Variants in SLC17A5 observed in about 807,000 individuals in gnomAD.
SLC17A5 encodes solute carrier family 17 member 5, also known as sialin.
In SLC17A5, 47 loss-of-function variants were observed where a neutral mutation model predicts 59.4. That is an observed-to-expected ratio of 0.79 (90% confidence interval 0.63 to 1.01). SLC17A5 has a LOEUF of 1.01. SLC17A5 is among the 50% of genes least tolerant of loss of function. The probability of loss-of-function intolerance (pLI) is 0.00; values close to 1 mark genes in which losing one functional copy is unlikely to be tolerated. For missense variants in SLC17A5, 522 were observed against 595.5 expected (o/e 0.88, Z 1.28); for synonymous variants, 202 against 210.7 (o/e 0.96, Z 0.36).
At chr6:73,631,626 C>T (rs1429128064) in intron 6 of SLC17A5, among the ~76,000 whole-genome samples, 2 of 151,842 alleles carry the variant, frequency 1.3e-5, no homozygotes, top group African/African-American at 4.9e-5. Flanking sequence ...AAGTGTGTTC[C>T]TTTGGCCAAA....
intron 7 of SLC17A5, among the ~76,000 whole-genome samples, chr6:73,616,246 A>G (rs1284559049): frequency 1.3e-5 from 2 of 152,036 alleles, no homozygotes; most frequent in Non-Finnish European, 2.9e-5. Flanking sequence ...TTGCCAGAAG[A>G]CACTTCATGG....
At chr6:73,648,451 G>C (rs1351819255) in intron 1 of SLC17A5, among the ~76,000 whole-genome samples, 1 of 152,224 alleles carries the variant, frequency 6.6e-6, no homozygotes, top group Non-Finnish European at 1.5e-5. Flanking sequence ...GGCTAATTTA[G>C]AGTGGGACCT....
intron 6 of SLC17A5, among the ~76,000 whole-genome samples, chr6:73,626,163 T>C (rs145340672): frequency 1.9e-4 from 29 of 152,348 alleles, no homozygotes; most frequent in African/African-American, 7.0e-4. Context: ...TATTTAATTT[T>C]AGTCACACTG....
At chr6:73,608,975 G>T (rs562826097) in intron 9 of SLC17A5, among the ~76,000 whole-genome samples, 2 of 152,250 alleles carry the variant, frequency 1.3e-5, no homozygotes, top group South Asian at 4.1e-4. Context: ...AACTACAGTG[G>T]CGTCACTGCA....
chr6:73,614,143 G>A (rs1476727524), intron 8 of SLC17A5, among the ~76,000 whole-genome samples: 1 of 152,170 alleles, frequency 6.6e-6, no homozygotes, highest in Non-Finnish European at 1.5e-5. Flanking sequence ...GTGTGTGCCT[G>A]TAGTCCTAGC....
At chr6:73,629,576 C>G (rs569041256) in intron 6 of SLC17A5, among the ~76,000 whole-genome samples, 3 of 152,144 alleles carry the variant, frequency 2.0e-5, no homozygotes, top group East Asian at 1.9e-4. Flanking sequence ...AGTTTGAGAC[C>G]AGCCTGACCA....
rs570569542 is a variant in SLC17A5, at chr6:73,640,263, G to A, written c.525+1428C>T. On this transcript the variant is annotated intron_variant, in intron 3 of 10. Transcript: ENST00000355773. ...AGAAGAACAGGAACCTGGTAATAGA[G>A]GAGTAATTTTAATTTTGTGATCAGG... Among the ~76,000 whole-genome samples the A allele has an allele frequency of 1.4e-3, 217 of 152,272 alleles. 2 individuals carry two copies. Among genetic ancestry groups the A allele is most frequent in the African/African-American group, 5.0e-3 (207 of 41,554 alleles).
intron 6 of SLC17A5, among the ~76,000 whole-genome samples, chr6:73,631,154 G>C (rs1477470821): frequency 1.3e-5 from 2 of 151,342 alleles, no homozygotes; most frequent in East Asian, 3.9e-4. Context: ...CCGAAACCAG[G>C]CCACTCTATG....
intron 6 of SLC17A5, 144 bp downstream of exon 6, chr6:73,635,238 A>G: frequency 3.4e-6 from 2 of 583,110 alleles, no homozygotes; most frequent in Non-Finnish European, 6.1e-6. Context: ...CCAGCCAGAC[A>G]ATACTTTGGA....
intron 8 of SLC17A5, among the ~76,000 whole-genome samples, chr6:73,613,976 A>G (rs1767741604): frequency 6.6e-6 from 1 of 151,796 alleles, no homozygotes; most frequent in Non-Finnish European, 1.5e-5. Flanking sequence ...ATTAAACAAA[A>G]TGGCTGGGGC....
At chr6:73,644,916 G>A (rs1294581816) in intron 1 of SLC17A5, among the ~76,000 whole-genome samples, 6 of 152,140 alleles carry the variant, frequency 3.9e-5, no homozygotes, top group South Asian at 2.1e-4. Context: ...AAGATTAGCT[G>A]TTTCTCATAT....
In SLC17A5 at chr6:73,600,423, C is replaced by A. The variant is rs1167569087; in HGVS notation, c.1278G>T (p.Leu426=). The change falls in exon 10 of 11, where the codon CTG becomes CTT. Residue 426 remains leucine, a synonymous_variant. Transcript: ENST00000355773. ...TAGTGGCAAATGTATTTGTGATGCC[C>A]AGGAGGATACCAGCATACCTGTAGA... The part of the protein sequence containing the change: ...DIAPSYAGIL[L]GITNTFATIP... 6.2e-6 allele frequency: 10 copies of A among 1,613,754 alleles called. No individual in the cohort carries two copies. Among genetic ancestry groups the A allele is most frequent in the Non-Finnish European group, 8.5e-6 (10 of 1,179,768 alleles).
chr6:73,646,296 A>T (rs142203215), intron 1 of SLC17A5, among the ~76,000 whole-genome samples: 22 of 152,342 alleles, frequency 1.4e-4, no homozygotes, highest in African/African-American at 3.8e-4. Flanking sequence ...AGACTGAAAC[A>T]TTAATGAATA....
Position 73,636,803 on chromosome 6 carries a change from G to A in SLC17A5, c.614-96C>T, listed in dbSNP as rs1036238546. On this transcript the variant is annotated intron_variant, in intron 4 of 10. Coordinates refer to ENST00000355773, the MANE Select transcript of SLC17A5 (RefSeq NM_012434.5). ...GCTTACAGAGGATGGGTAACAGGCT[G>A]GGCACAGTGGCTCATTCCTGTAATC... 44 of 886,342 alleles carry A rather than the reference G, an allele frequency of 5.0e-5. No homozygotes were observed. The African/African-American group carries it at 6.7e-4, about 14-fold the overall frequency. 54.9% of individuals were successfully genotyped at this position (886,342 alleles called of 1,614,324 possible).
intron 6 of SLC17A5, among the ~76,000 whole-genome samples, chr6:73,624,897 A>G (rs1768334443): frequency 6.6e-6 from 1 of 152,010 alleles, no homozygotes; most frequent in Non-Finnish European, 1.5e-5. Flanking sequence ...ATATATATAC[A>G]TTCAGATTGT....
chr6:73,600,551 C>A (rs1767010703), intron 9 of SLC17A5, 110 bp from the exon 10 acceptor site: 1 of 872,440 alleles, frequency 1.1e-6, no homozygotes, highest in Middle Eastern at 2.3e-4. Context: ...CTCTGTGGCC[C>A]AGGCTTGAGG....
intron 8 of SLC17A5, among the ~76,000 whole-genome samples, chr6:73,613,780 C>G (rs558614422): frequency 2.0e-4 from 30 of 152,298 alleles, no homozygotes; most frequent in African/African-American, 6.3e-4. Flanking sequence ...CTAATATTAT[C>G]ATTTTTATTT....
Position 73,595,228 on chromosome 6 carries a change from C to CA in SLC17A5, c.1351-15dup. ...TCCAACAGTGTTCTATAAAGGAAGA[C>CA]AAAAAATGCAAGTGAAATAAAATTT... is the stretch of plus-strand genomic sequence containing the variant. On this transcript the variant is annotated splice_polypyrimidine_tract_variant and intron_variant, in intron 10 of 10. Coordinates refer to ENST00000355773, the MANE Select transcript of SLC17A5 (RefSeq NM_012434.5). The CA allele has an allele frequency of 8.7e-6, 14 of 1,613,570 alleles. No individual in the cohort carries two copies. Among genetic ancestry groups the CA allele is most frequent in the Non-Finnish European group, 1.2e-5 (14 of 1,179,818 alleles).
chr6:73,648,943 C>T (rs1001212751), intron 1 of SLC17A5, among the ~76,000 whole-genome samples: 1 of 151,676 alleles, frequency 6.6e-6, no homozygotes, highest in Non-Finnish European at 1.5e-5. Context: ...ACTCTAAGAA[C>T]TAACACTATT....
Sources: allele counts gnomAD v4.1 joint callset (sites outside exome capture counted in the v4.1 genomes callset), GRCh38; gene constraint gnomAD v4.1.1; transcripts MANE v1.5; gene names NCBI Gene and HGNC (gene_info 2026-07-23, HGNC 2026-07-21).